The following CENPP variants were observed in gnomAD, a reference collection of about 807,000 sequenced individuals.
The protein encoded by CENPP is centromere protein P.
A neutral mutation model predicts 35.6 loss-of-function variants in CENPP; 24 were observed. The observed-to-expected ratio is 0.67, with a 90% CI of 0.49 to 0.95. The LOEUF (loss-of-function observed/expected upper bound fraction) is 0.95. Among genes scored for constraint, CENPP ranks in the 40% least tolerant of loss-of-function variants. CENPP has a pLI of 0.00. For synonymous variants in CENPP, 120 were observed against 125.5 expected, an observed-to-expected ratio of 0.96 and a Z score of 0.29; for missense variants, 332 against 345.3, an observed-to-expected ratio of 0.96 and a Z score of 0.31.
At chr9:92,490,565 A>T (rs1846152291) in intron 5 of CENPP, among the ~76,000 whole-genome samples, 1 of 152,188 alleles carries the variant, frequency 6.6e-6, no homozygotes, top group South Asian at 2.1e-4. Flanking sequence ...AATCAATATC[A>T]TAAAGGGTTT....
chr9:92,443,093 C>T (rs1844462982), intron 5 of CENPP, among the ~76,000 whole-genome samples: 1 of 151,776 alleles, frequency 6.6e-6, no homozygotes. Context: ...ATAAAAGGTA[C>T]AAAAGTAGAG....
At chr9:92,363,128 A>G (rs1841801854) in intron 4 of CENPP, among the ~76,000 whole-genome samples, 1 of 152,060 alleles carries the variant, frequency 6.6e-6, no homozygotes, top group Admixed American at 6.6e-5. Context: ...GGGAAATGGC[A>G]TTAGAGACTG....
Position 92,617,959 on chromosome 9 carries a change from TC to T in CENPP, c.*4811del. ...GTGTAAGAAGTTTAAATGTGGTCAA[TC>T]TATCTGTGAGCTGCAAATTAGTCTA... On this transcript the variant is annotated 3_prime_UTR_variant, in exon 8 of 8. Transcript: ENST00000375587. 1 of 323,212 alleles carries T rather than the reference TC, an allele frequency of 3.1e-6. No homozygotes were observed. The highest frequency in any genetic ancestry group is 6.1e-6 in the Non-Finnish European group (1 of 163,270). 20.0% of individuals were successfully genotyped at this position (323,212 alleles called of 1,614,324 possible).
At chr9:92,464,951 A>G (rs1845249744) in intron 5 of CENPP, 3 of 1,613,794 alleles carry the variant, frequency 1.9e-6, no homozygotes, top group Non-Finnish European at 1.7e-6. Flanking sequence ...TGCTTCTGCA[A>G]TTCTGATATG....
intron 5 of CENPP, among the ~76,000 whole-genome samples, chr9:92,387,053 GAAAAAAAAA>G (rs903436031): frequency 4.2e-4 from 21 of 50,168 alleles, no homozygotes; most frequent in South Asian, 2.1e-3. Context: ...GTCTCAAAAA[GAAAAAAAAA>G]AAAAAAAAAA....
At chr9:92,382,892 CTTTTTTTTTTTTTTT>C (rs1213731251) in intron 5 of CENPP, among the ~76,000 whole-genome samples, 4 of 69,812 alleles carry the variant, frequency 5.7e-5, no homozygotes, top group Admixed American at 4.2e-4. Context: ...CACTGTTTTC[CTTTTTTTTTTTTTTT>C]TTTTTTTTTT....
chr9:92,539,722 C>CT (rs1470583183), intron 5 of CENPP, among the ~76,000 whole-genome samples: 1 of 152,058 alleles, frequency 6.6e-6, no homozygotes, highest in East Asian at 1.9e-4. Context: ...GTTCAAATGC[C>CT]TTTTAAGCTA....
At chr9:92,356,942 A>G (rs953289644) in intron 4 of CENPP, among the ~76,000 whole-genome samples, 1 of 152,192 alleles carries the variant, frequency 6.6e-6, no homozygotes, top group African/African-American at 2.4e-5. Context: ...GATGTTATGA[A>G]CTTGTATATT....
rs868411106 is a variant in CENPP, at chr9:92,352,517, A to G, written c.467+6730A>G. Reference sequence around the variant, plus strand: ...TGTGTGTGTGTGTGTATACATATATATATATATATATATATATATATAATA... The same window carrying G: ...TGTGTGTGTGTGTGTATACATATATGTATATATATATATATATATATAATA... On this transcript the variant is annotated intron_variant, in intron 4 of 7. Coordinates refer to ENST00000375587, the MANE Select transcript of CENPP (RefSeq NM_001012267.3). Among the ~76,000 whole-genome samples the G allele has an allele frequency of 5.9e-4, 60 of 101,294 alleles. 3 individuals carry two copies. Among genetic ancestry groups the G allele is most frequent in the African/African-American group, 2.5e-3 (48 of 18,826 alleles). 66.5% of individuals were successfully genotyped at this position (101,294 alleles called of 152,430 possible).
intron 5 of CENPP, among the ~76,000 whole-genome samples, chr9:92,533,319 AAAAAAAAAAATATAT>A (rs1848942550): frequency 9.7e-6 from 1 of 103,512 alleles, no homozygotes; most frequent in African/African-American, 3.8e-5. Flanking sequence ...AAAAAAAAAA[AAAAAAAAAAATATAT>A]ATATATATAT....
At chr9:92,512,195 T>G in intron 5 of CENPP, 1 of 1,011,392 alleles carries the variant, frequency 9.9e-7, no homozygotes, top group Non-Finnish European at 1.5e-6. Flanking sequence ...TGTATGGGCA[T>G]GTGTGCATAG....
At chr9:92,384,131 G>A (rs1319862138) in intron 5 of CENPP, 1 of 152,130 alleles carries the variant, frequency 6.6e-6, no homozygotes, top group African/African-American at 2.4e-5. Context: ...TAACGAGAAA[G>A]TAGTATAATA....
At chr9:92,403,228 A>G in intron 5 of CENPP, 1 of 1,538,696 alleles carries the variant, frequency 6.5e-7, no homozygotes, top group Non-Finnish European at 8.9e-7. Context: ...AATAGAAATA[A>G]AGTACCTTAA....
At chr9:92,350,189 A>G (rs1476060969) in intron 4 of CENPP, among the ~76,000 whole-genome samples, 1 of 152,176 alleles carries the variant, frequency 6.6e-6, no homozygotes, top group Non-Finnish European at 1.5e-5. Context: ...AGACATTTGG[A>G]GTTATTTTTG....
At chr9:92,423,323 G>A (rs1843870931) in intron 5 of CENPP, among the ~76,000 whole-genome samples, 1 of 152,036 alleles carries the variant, frequency 6.6e-6, no homozygotes, top group African/African-American at 2.4e-5. Context: ...AACCATCTGT[G>A]TCATAATATT....
chr9:92,475,175 G>A (rs72754410), intron 5 of CENPP, among the ~76,000 whole-genome samples: 4,736 of 152,120 alleles, frequency 0.031, 113 homozygotes, highest in South Asian at 0.083. Context: ...AGTGCACAAA[G>A]ATGTTCATCA....
At chr9:92,577,756 C>T (rs994173128) in intron 5 of CENPP, among the ~76,000 whole-genome samples, 5 of 151,990 alleles carry the variant, frequency 3.3e-5, no homozygotes, top group Non-Finnish European at 7.4e-5. Context: ...TCAAGTCTGG[C>T]CCGGGCAACA....
chr9:92,471,385 C>T (rs1845508940), intron 5 of CENPP, among the ~76,000 whole-genome samples: 1 of 151,540 alleles, frequency 6.6e-6, no homozygotes, highest in South Asian at 2.1e-4. Flanking sequence ...TTAGTAGAGA[C>T]GAGGTTTCCC....
At chr9:92,461,860 T>G (rs1321756185) in intron 5 of CENPP, among the ~76,000 whole-genome samples, 2 of 152,230 alleles carry the variant, frequency 1.3e-5, no homozygotes, top group Non-Finnish European at 2.9e-5. Context: ...AATGAATTCA[T>G]GCAATGCCCA....
Sources: gnomAD v4.1 joint callset for allele counts (sites outside exome capture counted in the v4.1 genomes callset) on GRCh38, gnomAD v4.1.1 for gene constraint, MANE v1.5 for transcripts, NCBI Gene and HGNC (gene_info 2026-07-23, HGNC 2026-07-21) for gene names.